Variants in ZFHX3 observed in about 807,000 individuals in gnomAD.
ZFHX3 encodes the protein zinc finger homeobox 3.
In ZFHX3, 42 loss-of-function variants were observed where a neutral mutation model predicts 279.1. The ratio of observed to expected loss-of-function variants is 0.15; its 90% CI spans 0.12 to 0.19. The LOEUF (loss-of-function observed/expected upper bound fraction) is 0.19, where lower values mean the gene tolerates loss of function less well. Ranked by LOEUF, ZFHX3 falls within the 10% of genes least tolerant of loss-of-function variation. ZFHX3 has a pLI of 1.00. For synonymous variants in ZFHX3, 2,293 were observed against 1,957.8 expected (o/e 1.17, Z -4.52); for missense variants, 4,981 against 4,754.0 (o/e 1.05, Z -1.40).
chr16:73,751,773 G>A (rs1180735045), intron 1 of ZFHX3, among the ~76,000 whole-genome samples: 2 of 152,110 alleles, frequency 1.3e-5, no homozygotes, highest in African/African-American at 4.8e-5. Context: ...AACTCCAAAT[G>A]CACCCATCTA....
At chr16:72,791,273 A>AAT (rs1329411940) in intron 9 of ZFHX3, 1 of 152,250 alleles carries the variant, frequency 6.6e-6, no homozygotes, top group Admixed American at 6.5e-5. Flanking sequence ...ATAGATGTTT[A>AAT]ATAAACACAA....
At position 72,910,597 on chromosome 16, in the gene ZFHX3, G is replaced by A. The variant is rs189068651; in HGVS notation, c.3217-20635C>T. Among the ~76,000 whole-genome samples, 146 of 152,342 alleles carry A rather than the reference G, an allele frequency of 9.6e-4. 1 individual carries two copies. The highest frequency in any genetic ancestry group is 2.9e-3 in the African/African-American group (120 of 41,568). The stretch of plus-strand genomic sequence containing the variant: ...GAGACATTAGGCAGTGGATGGCAGC[G>A]TGGCAGATGGCTTTCTCCTCTGTTT... On this transcript the variant is annotated intron_variant, in intron 3 of 9. Coordinates refer to ENST00000268489, the MANE Select transcript of ZFHX3 (RefSeq NM_006885.4).
chr16:73,657,140 T>A (rs1416207802), intron 2 of ZFHX3, among the ~76,000 whole-genome samples: 1 of 152,250 alleles, frequency 6.6e-6, no homozygotes, highest in Non-Finnish European at 1.5e-5. Context: ...GTAGTCCATA[T>A]ACGGTAGAAT....
At chr16:72,952,551 C>T (rs759241469) in intron 2 of ZFHX3, among the ~76,000 whole-genome samples, 22 of 152,312 alleles carry the variant, frequency 1.4e-4, no homozygotes, top group African/African-American at 2.2e-4. Context: ...AGTGCACAGA[C>T]GCCCAAATGT....
chr16:73,127,345 C>A, intron 7 of ZFHX3: 1 of 1,304,610 alleles, frequency 7.7e-7, no homozygotes, highest in South Asian at 1.2e-5. Context: ...AGAGGAAAGC[C>A]GATAAAAAGT....
intron 2 of ZFHX3, 94 bp from the exon 3 acceptor site, chr16:72,951,059 G>A (rs1597004855): frequency 6.7e-7 from 1 of 1,502,440 alleles, no homozygotes; most frequent in East Asian, 2.3e-5. Flanking sequence ...CCCTCAACTG[G>A]GGTCCAAAAG....
intron 5 of ZFHX3, among the ~76,000 whole-genome samples, chr16:73,183,025 T>C (rs965884133): frequency 6.6e-6 from 1 of 151,996 alleles, no homozygotes; most frequent in Admixed American, 6.6e-5. Flanking sequence ...ACCAATATGG[T>C]GAAACCCCAT....
At chr16:73,220,938 A>G (rs1343758332) in intron 5 of ZFHX3, among the ~76,000 whole-genome samples, 1 of 152,196 alleles carries the variant, frequency 6.6e-6, no homozygotes, top group Non-Finnish European at 1.5e-5. Flanking sequence ...ACTCAGGGAC[A>G]ACAGTGGTCC....
At chr16:73,844,872 A>T (rs2142373563) in intron 1 of ZFHX3, among the ~76,000 whole-genome samples, 1 of 151,990 alleles carries the variant, frequency 6.6e-6, no homozygotes, top group East Asian at 1.9e-4. Context: ...GTAGGTAGGT[A>T]GGTAGGCGGA....
chr16:72,867,732 AAAAAG>A (rs200106830), intron 4 of ZFHX3, among the ~76,000 whole-genome samples: 14,444 of 151,994 alleles, frequency 0.095, 916 homozygotes, highest in South Asian at 0.14. Flanking sequence ...GGAAAAAAAA[AAAAAG>A]AAGAAGAAGA....
chr16:73,257,875 G>A (rs376127831), intron 4 of ZFHX3, among the ~76,000 whole-genome samples: 5 of 152,172 alleles, frequency 3.3e-5, no homozygotes, highest in African/African-American at 4.8e-5. Flanking sequence ...GGAGACCTTC[G>A]GCTATAGGAA....
intron 2 of ZFHX3, among the ~76,000 whole-genome samples, chr16:73,665,808 CTTTTTTTTTTTTT>C (rs527815602): frequency 1.1e-5 from 1 of 90,514 alleles, no homozygotes; most frequent in Non-Finnish European, 2.0e-5. Context: ...TCTTCAATAA[CTTTTTTTTTTTTT>C]TTTTTTTTTT....
At chr16:73,837,620 A>ATTTTCTTTTC (rs71727423) in intron 1 of ZFHX3, among the ~76,000 whole-genome samples, 52 of 150,822 alleles carry the variant, frequency 3.4e-4, no homozygotes, top group South Asian at 4.2e-4. Flanking sequence ...CATTGCTGCT[A>ATTTTCTTTTC]TTTTCTTTTC....
At chr16:73,449,586 T>C (rs2018248184) in intron 3 of ZFHX3, among the ~76,000 whole-genome samples, 1 of 152,108 alleles carries the variant, frequency 6.6e-6, no homozygotes. Flanking sequence ...AGAACATGAA[T>C]CTAAAAAACT....
At chr16:73,635,939 G>A (rs760662243) in intron 2 of ZFHX3, among the ~76,000 whole-genome samples, 8 of 152,142 alleles carry the variant, frequency 5.3e-5, no homozygotes, top group Non-Finnish European at 8.8e-5. Flanking sequence ...TCAGGCCTTA[G>A]TGTGTATGGC....
At chr16:73,421,726 T>C (rs1000634648) in intron 3 of ZFHX3, among the ~76,000 whole-genome samples, 1 of 152,176 alleles carries the variant, frequency 6.6e-6, no homozygotes, top group African/African-American at 2.4e-5. Context: ...CCTAGGTTTG[T>C]TGATGGATGG....
chr16:73,490,129 TA>T (rs1407802280), intron 2 of ZFHX3, among the ~76,000 whole-genome samples: 1 of 152,232 alleles, frequency 6.6e-6, no homozygotes, highest in Non-Finnish European at 1.5e-5. Flanking sequence ...TTTCACGTCT[TA>T]AAGTTAACTT....
At chr16:73,397,141 A>T (rs775254241) in intron 3 of ZFHX3, among the ~76,000 whole-genome samples, 4 of 152,218 alleles carry the variant, frequency 2.6e-5, no homozygotes, top group Non-Finnish European at 4.4e-5. Flanking sequence ...ATAGCAGTCT[A>T]TGCACTCATG....
At chr16:73,360,249 T>C (rs1027216742) in intron 3 of ZFHX3, among the ~76,000 whole-genome samples, 1 of 152,236 alleles carries the variant, frequency 6.6e-6, no homozygotes, top group South Asian at 2.1e-4. Context: ...GAGTTGCGTA[T>C]AGACTAATTT....
Sources: allele counts gnomAD v4.1 joint callset (sites outside exome capture counted in the v4.1 genomes callset), GRCh38; gene constraint gnomAD v4.1.1; transcripts MANE v1.5; gene names NCBI Gene and HGNC (gene_info 2026-07-23, HGNC 2026-07-21).